Variants in MAU2 observed in about 807,000 individuals in gnomAD.
The protein encoded by MAU2 is MAU2 chromatid cohesion factor homolog.
Under a neutral mutation model 89.1 loss-of-function variants are expected in MAU2, and 9 were observed. The ratio of observed to expected loss-of-function variants is 0.10; its 90% confidence interval spans 0.06 to 0.18. The LOEUF is 0.18. Among genes scored for constraint, MAU2 ranks in the 10% least tolerant of loss-of-function variants. MAU2 has a pLI of 1.00. For missense variants in MAU2, 425 were observed against 803.5 expected, an observed-to-expected ratio of 0.53 and a Z score of 5.69; for synonymous variants, 357 against 343.4, an observed-to-expected ratio of 1.04 and a Z score of -0.44.
intron 16 of MAU2, among the ~76,000 whole-genome samples, chr19:19,349,975 ATTTTTTTTTTTT>A (rs34536394): frequency 6.3e-5 from 7 of 111,258 alleles, no homozygotes; most frequent in South Asian, 3.0e-4. Flanking sequence ...GAGGTCTTGA[ATTTTTTTTTTTT>A]TTTTTTTTTT....
At chr19:19,327,323 A>T (rs79361471) in intron 1 of MAU2, among the ~76,000 whole-genome samples, 2 of 47,388 alleles carry the variant, frequency 4.2e-5, no homozygotes, top group Admixed American at 4.5e-4. Context: ...TTATTTATTT[A>T]TTTATTTATT....
At chr19:19,321,995 T>A (rs909889646) in intron 1 of MAU2, 1 of 144,692 alleles carries the variant, frequency 6.9e-6, no homozygotes, top group African/African-American at 2.7e-5. Context: ...TTTAGTAAAC[T>A]TTCTTTTTTT....
chr19:19,332,512 A>G (rs1162035362), intron 1 of MAU2, among the ~76,000 whole-genome samples: 1 of 152,044 alleles, frequency 6.6e-6, no homozygotes, highest in Admixed American at 6.6e-5. Context: ...GCCTTAGAGC[A>G]TCGCTAACTC....
intron 13 of MAU2, chr19:19,347,637 C>T (rs2061704477): frequency 2.7e-6 from 1 of 368,950 alleles, no homozygotes; most frequent in Non-Finnish European, 5.0e-6. Flanking sequence ...ATCACACAGA[C>T]AAGGTCTTAT....
rs551741052 is a variant in MAU2 at position 19,350,707 on chromosome 19, T to A, written c.1548+1271T>A. Among the ~76,000 whole-genome samples the A allele has an allele frequency of 1.8e-3, 272 of 151,602 alleles. 1 individual carries two copies. The highest frequency in any genetic ancestry group is 6.4e-3 in the African/African-American group (264 of 41,294). On this transcript the variant is annotated intron_variant, in intron 16 of 18. Transcript: ENST00000262815. The stretch of plus-strand genomic sequence containing the variant: ...CAAGGTCAGGAGATCGAGACCATCC[T>A]GGCTAACACGGTGAAACCCCGTCTC...
At chr19:19,328,547 A>G (rs1178265207) in intron 1 of MAU2, among the ~76,000 whole-genome samples, 1 of 150,716 alleles carries the variant, frequency 6.6e-6, no homozygotes, top group Non-Finnish European at 1.5e-5. Context: ...TCAGCCTCCC[A>G]AGTAGCTGGG....
intron 1 of MAU2, among the ~76,000 whole-genome samples, chr19:19,323,402 C>G (rs1436367790): frequency 6.6e-6 from 1 of 152,126 alleles, no homozygotes; most frequent in Non-Finnish European, 1.5e-5. Flanking sequence ...ACCATTTGGT[C>G]AGGCTGGTTT....
chr19:19,326,108 C>T (rs1267327297), intron 1 of MAU2, among the ~76,000 whole-genome samples: 1 of 151,458 alleles, frequency 6.6e-6, no homozygotes, highest in Admixed American at 6.6e-5. Flanking sequence ...TCAAGCGATC[C>T]TCCCACCTCA....
chr19:19,351,841 T>A (rs1248364820), intron 16 of MAU2, among the ~76,000 whole-genome samples: 3 of 123,008 alleles, frequency 2.4e-5, no homozygotes, highest in African/African-American at 9.1e-5. Flanking sequence ...TTGGTAATTT[T>A]TTTTTTTTTT....
intron 1 of MAU2, among the ~76,000 whole-genome samples, chr19:19,327,708 T>C (rs2061522921): frequency 1.3e-5 from 2 of 151,958 alleles, no homozygotes; most frequent in Non-Finnish European, 2.9e-5. Context: ...GTCACAGTAG[T>C]TGGTGTCTCG....
intron 1 of MAU2, among the ~76,000 whole-genome samples, chr19:19,325,237 G>T (rs930815600): frequency 6.6e-6 from 1 of 152,134 alleles, no homozygotes; most frequent in Non-Finnish European, 1.5e-5. Context: ...GTGCAATGGC[G>T]CAATCTTGGC....
intron 10 of MAU2, chr19:19,344,512 G>A (rs1022644595): frequency 7.7e-6 from 3 of 390,886 alleles, no homozygotes; most frequent in Admixed American, 3.9e-5. Context: ...TCCTTTGACA[G>A]TGATTGTTAT....
intron 15 of MAU2, 46 bp downstream of exon 15, chr19:19,349,278 C>T: frequency 6.2e-7 from 1 of 1,613,454 alleles, no homozygotes; most frequent in East Asian, 2.2e-5. Flanking sequence ...CTCAGGGTAG[C>T]CCAGGCCCCG....
At chr19:19,330,281 A>T (rs2061545288) in intron 1 of MAU2, among the ~76,000 whole-genome samples, 1 of 151,290 alleles carries the variant, frequency 6.6e-6, no homozygotes, top group African/African-American at 2.4e-5. Context: ...CTCCCAGCCA[A>T]CCCTGTCTCT....
Position 19,335,839 on chromosome 19 carries a change from G to C in MAU2, c.294+104G>C, listed in dbSNP as rs761621383. On this transcript the variant is annotated intron_variant, in intron 2 of 18. Coordinates refer to ENST00000262815, the MANE Select transcript of MAU2 (RefSeq NM_015329.4). ...CACCTCCCGACATGCCCTGTGAGTTGAGGCTCGGCCCACAGAGCACCTGGA... is the reference window on the plus strand; with the variant it reads ...CACCTCCCGACATGCCCTGTGAGTTCAGGCTCGGCCCACAGAGCACCTGGA... The C allele has an allele frequency of 8.6e-4, 1,181 of 1,366,916 alleles. 2 individuals are homozygous for C. Among genetic ancestry groups the C allele is most frequent in the Admixed American group, 1.2e-3 (68 of 59,092 alleles). 84.7% of individuals were successfully genotyped at this position (1,366,916 alleles called of 1,614,324 possible).
At position 19,355,373 on chromosome 19, in the gene MAU2, C is replaced by G; in HGVS notation, c.1749C>G (p.Pro583=). 6.2e-7 allele frequency: 1 copy of G among 1,614,008 alleles called. No individual in the cohort carries two copies. Among genetic ancestry groups the G allele is most frequent in the Non-Finnish European group, 8.5e-7 (1 of 1,179,970 alleles). The part of the protein sequence containing the change: ...LQDHIEACSL[P]EHNLITWTDG... ...ACCACATTGAGGCCTGCAGCCTCCCCGAACACAACCTCATCACGGTACGGG... is the reference window on the plus strand; with the variant it reads ...ACCACATTGAGGCCTGCAGCCTCCCGGAACACAACCTCATCACGGTACGGG... The change falls in exon 18 of 19, where the codon CCC becomes CCG. Residue 583 remains proline (P), a synonymous_variant. Transcript: ENST00000262815.
In MAU2 at chr19:19,326,701, T is replaced by TACAC. The variant is rs2061508230; in HGVS notation, c.276+5566_276+5567insACAC. ...ACTGTCTCAAAAAAAAATATATATA[T>TACAC]GTATATATATATATATATACATATA... On this transcript the variant is annotated intron_variant, in intron 1 of 18. Transcript: ENST00000262815. 7.1e-5 allele frequency among the ~76,000 whole-genome samples: 3 copies of TACAC among 42,062 alleles called. 1 individual carries two copies. The Admixed American group carries it at 8.4e-4, about 12-fold the overall frequency. The allele number at this position is 42,062 out of a possible 152,430, so 27.6% of individuals were successfully genotyped here. A position where few individuals can be genotyped will look rare whatever the true frequency, so the allele number is the denominator to read the frequency against.
chr19:19,353,817 G>A lies in MAU2; in HGVS notation c.1549-538G>A, dbSNP rs73001068. On this transcript the variant is annotated intron_variant, in intron 16 of 18. Transcript: ENST00000262815. The stretch of plus-strand genomic sequence containing the variant: ...CTGAGCTCTTCCTGCCACATCCTGA[G>A]GATGCTAGGGCTGCAACTGGGGTGG... The A allele has an allele frequency of 2.0e-4, 33 of 167,376 alleles. 1 individual carries two copies. The highest frequency in any genetic ancestry group is 3.3e-4 in the Non-Finnish European group (25 of 75,432). The allele number at this position is 167,376 out of a possible 1,614,324, so 10.4% of individuals were successfully genotyped here.
chr19:19,342,549 G>A lies in MAU2; in HGVS notation c.750G>A (p.Lys250=), dbSNP rs749512734. 1.3e-5 allele frequency: 20 copies of A among 1,595,006 alleles called. No homozygotes were observed. Among genetic ancestry groups the A allele is most frequent in the Non-Finnish European group, 1.7e-5 (20 of 1,170,006 alleles). The change falls in exon 8 of 19, where the codon AAG becomes AAA. Residue 250 remains lysine (K), a synonymous_variant. Coordinates refer to ENST00000262815, the MANE Select transcript of MAU2 (RefSeq NM_015329.4). ...GTGCTGCACAGGTGAAGAGCGTGAA[G>A]CCGTGTCTGAAGCAGCTGCAGCAGT... The part of the protein sequence containing the change: ...YLDAGQVKSV[K]PCLKQLQQCI...
Sources: gnomAD v4.1 joint callset for allele counts (sites outside exome capture counted in the v4.1 genomes callset) on GRCh38, gnomAD v4.1.1 for gene constraint, MANE v1.5 for transcripts, NCBI Gene and HGNC (gene_info 2026-07-23, HGNC 2026-07-21) for gene names.